GHRHR: variants seen among roughly 807,000 people sequenced by gnomAD.
The protein encoded by GHRHR is growth hormone releasing hormone receptor.
A neutral mutation model predicts 58.3 loss-of-function variants in GHRHR; 40 were observed. The observed-to-expected ratio is 0.69, with a 90% CI of 0.53 to 0.89. GHRHR has a LOEUF of 0.89. Ranked by LOEUF, GHRHR falls within the 40% of genes least tolerant of loss-of-function variation. The probability of loss-of-function intolerance (pLI) is 0.00; values close to 1 mark genes in which losing one functional copy is unlikely to be tolerated. For synonymous variants in GHRHR, 249 were observed against 216.6 expected, an observed-to-expected ratio of 1.15 and a Z score of -1.31; for missense variants, 551 against 541.3, an observed-to-expected ratio of 1.02 and a Z score of -0.18.
Position 30,972,100 on chromosome 7 carries a change from T to C in GHRHR, c.597+5T>C, listed in dbSNP as rs1234846344. ...GACCACTGCAGCTTCTCCACTGTAA[T>C]GGCCATGGGTGAAGGGGCTGGGCAG... On this transcript the variant is annotated splice_donor_5th_base_variant and intron_variant, in intron 6 of 12. Transcript: ENST00000326139. The C allele has an allele frequency of 6.2e-7, 1 of 1,613,774 alleles. No individual in the cohort carries two copies. Among genetic ancestry groups the C allele is most frequent in the East Asian group, 2.2e-5 (1 of 44,880 alleles).
rs757034595 is a variant in GHRHR, at chr7:30,974,134, C to G, written c.747C>G (p.Gly249=). Residue 249 remains glycine (G), a synonymous_variant, in exon 7 of 13, where the codon GGC becomes GGG. Transcript: ENST00000326139. The part of the protein sequence containing the change: ...RRAFWWLVLA[G]WGLPVLFTGT... ...CCTTCTGGTGGCTGGTTCTCGCTGG[C>G]TGGGGTGAGCACTGAGGGCGGGTTG... The G allele has an allele frequency of 1.2e-6, 2 of 1,613,788 alleles. No homozygotes were observed. The highest frequency in any genetic ancestry group is 2.7e-5 in the African/African-American group (2 of 74,890).
chr7:30,979,184 C>A lies in GHRHR; in HGVS notation c.1212C>A (p.Thr404=), dbSNP rs2128599205. ...CTGAGCTTCTGCCAGCCTGGAGGAC[C>A]CGTGCTAAGTGGACCACGCCTTCCC... ...HDPELLPAWR[T]RAKWTTPSRS... The change falls in exon 13 of 13, where the codon ACC becomes ACA. Residue 404 remains threonine (T), a synonymous_variant. Coordinates refer to ENST00000326139, the MANE Select transcript of GHRHR (RefSeq NM_000823.4). 1 of 1,613,906 alleles carries A rather than the reference C, an allele frequency of 6.2e-7. No individual in the cohort carries two copies. Among genetic ancestry groups the A allele is most frequent in the Non-Finnish European group, 8.5e-7 (1 of 1,179,760 alleles).
intron 6 of GHRHR, 21 bp downstream of exon 6, chr7:30,972,116 G>T: frequency 1.2e-6 from 2 of 1,613,314 alleles, no homozygotes; most frequent in Non-Finnish European, 1.7e-6. Context: ...TGGGTGAAGG[G>T]GCTGGGCAGG....
At chr7:30,968,745 G>T in intron 1 of GHRHR, 89 bp from the exon 2 acceptor site, 1 of 830,424 alleles carries the variant, frequency 1.2e-6, no homozygotes, top group Non-Finnish European at 2.1e-6. Context: ...TATGAATCAG[G>T]CCTTGTCCCT....
chr7:30,976,254 A>G (rs1792582285), intron 10 of GHRHR, among the ~76,000 whole-genome samples, 175 bp from the exon 11 acceptor site: 1 of 152,194 alleles, frequency 6.6e-6, no homozygotes, highest in Admixed American at 6.5e-5. Flanking sequence ...GGGAATCAGC[A>G]GGATCCAGCG....
chr7:30,968,236 G>A (rs1361352194), intron 1 of GHRHR, among the ~76,000 whole-genome samples: 2 of 152,178 alleles, frequency 1.3e-5, no homozygotes, highest in Non-Finnish European at 2.9e-5. Context: ...AGATTAGGAT[G>A]TGGACATCTT....
chr7:30,964,774 G>A (rs982127474), intron 1 of GHRHR, among the ~76,000 whole-genome samples: 2 of 152,184 alleles, frequency 1.3e-5, no homozygotes, highest in Admixed American at 1.3e-4. Flanking sequence ...GGGCTAGAGC[G>A]CTGGAGCACG....
chr7:30,967,393 C>G (rs980869616), intron 1 of GHRHR, among the ~76,000 whole-genome samples: 6 of 152,210 alleles, frequency 3.9e-5, no homozygotes, highest in African/African-American at 1.4e-4. Flanking sequence ...CAAAAAAACC[C>G]CAACTTGTTT....
In GHRHR at chr7:30,977,403, C is replaced by A. The variant is rs1584417218; in HGVS notation, c.1146+81C>A. ...CCCCTCCTCCTCTCTCCCACTCAGG[C>A]CCTGTAAACCCCAGCTCAGGCCACA... On this transcript the variant is annotated intron_variant, in intron 12 of 12. Transcript: ENST00000326139. 5 of 1,140,242 alleles carry A rather than the reference C, an allele frequency of 4.4e-6. No individual in the cohort carries two copies. The South Asian group carries it at 6.1e-5, about 14-fold the overall frequency. The allele number at this position is 1,140,242 out of a possible 1,614,324, so 70.6% of individuals were successfully genotyped here. A position where few individuals can be genotyped will look rare whatever the true frequency, so the allele number is the denominator to read the frequency against.
In GHRHR at chr7:30,968,831, C is replaced by T. The variant is rs1411783933; in HGVS notation, c.58-3C>T. Reference sequence around the variant, plus strand: ...GGCTCATCCTGTTCACTGTTTCCAGCAGGTATTGGGCCACATGCACCCAGA... The same window carrying T: ...GGCTCATCCTGTTCACTGTTTCCAGTAGGTATTGGGCCACATGCACCCAGA... On this transcript the variant is annotated splice_region_variant and splice_polypyrimidine_tract_variant and intron_variant, in intron 1 of 12. Coordinates refer to ENST00000326139, the MANE Select transcript of GHRHR (RefSeq NM_000823.4). The T allele has an allele frequency of 6.2e-7, 1 of 1,606,720 alleles. No individual in the cohort carries two copies. Among genetic ancestry groups the T allele is most frequent in the Non-Finnish European group, 8.5e-7 (1 of 1,173,380 alleles).
In GHRHR at chr7:30,964,139, T is replaced by G; in HGVS notation, c.57+14T>G. The G allele has an allele frequency of 6.5e-7, 1 of 1,545,122 alleles. No individual in the cohort carries two copies. The highest frequency in any genetic ancestry group is 1.4e-5 in the African/African-American group (1 of 73,148). ...CCGTTACCGACCGTGAGTAGCCAGC[T>G]GAGACCCTCTGGCCTCTGCCACTGG... On this transcript the variant is annotated intron_variant, in intron 1 of 12. Coordinates refer to ENST00000326139, the MANE Select transcript of GHRHR (RefSeq NM_000823.4).
intron 12 of GHRHR, 51 bp from the exon 13 acceptor site, chr7:30,979,068 T>G (rs763858063): frequency 6.9e-6 from 11 of 1,589,996 alleles, no homozygotes; most frequent in Non-Finnish European, 1.7e-6. Flanking sequence ...TGGGGTTGAG[T>G]AGCAAAGCCA....
chr7:30,973,918 T>G, intron 6 of GHRHR, 67 bp from the exon 7 acceptor site: 2 of 1,493,152 alleles, frequency 1.3e-6, no homozygotes, highest in Non-Finnish European at 1.9e-6. Flanking sequence ...CTGAGTAGGG[T>G]AGAGGAGACT....
At position 30,974,286 on chromosome 7, in the gene GHRHR, G is replaced by C. The variant is rs985577304; in HGVS notation, c.752-143G>C. 3.8e-5 allele frequency: 43 copies of C among 1,133,246 alleles called. No individual in the cohort carries two copies. In the African/African-American group the frequency reaches 5.3e-4, roughly 14 times the overall value. 70.2% of individuals were successfully genotyped at this position (1,133,246 alleles called of 1,614,324 possible). A position where few individuals can be genotyped will look rare whatever the true frequency, so the allele number is the denominator to read the frequency against. ...TCCGGCAGCAAGTGTTGGAGGGTGG[G>C]ACCAGGGCCCTGGCTCTGGGGTCCT... is the stretch of plus-strand genomic sequence containing the variant. On this transcript the variant is annotated intron_variant, in intron 7 of 12. Transcript: ENST00000326139.
intron 6 of GHRHR, among the ~76,000 whole-genome samples, chr7:30,972,442 G>A (rs1015329755): frequency 2.6e-5 from 4 of 152,190 alleles, no homozygotes; most frequent in African/African-American, 9.7e-5. Flanking sequence ...AAGGGGCTGG[G>A]AGGAGCTGGG....
intron 1 of GHRHR, among the ~76,000 whole-genome samples, chr7:30,965,300 G>T (rs1227490535): frequency 2.0e-5 from 3 of 152,190 alleles, no homozygotes; most frequent in African/African-American, 7.2e-5. Flanking sequence ...CTCAATCACT[G>T]TTTGCCAGTG....
At position 30,964,130 on chromosome 7, in the gene GHRHR, G is replaced by C. The variant is rs1278964791; in HGVS notation, c.57+5G>C. 6.5e-7 allele frequency: 1 copy of C among 1,547,600 alleles called. No individual in the cohort carries two copies. Among genetic ancestry groups the C allele is most frequent in the East Asian group, 2.4e-5 (1 of 40,910 alleles). ...GTGTTGAGCCCGTTACCGACCGTGA[G>C]TAGCCAGCTGAGACCCTCTGGCCTC... On this transcript the variant is annotated splice_donor_5th_base_variant and intron_variant, in intron 1 of 12. Coordinates refer to ENST00000326139, the MANE Select transcript of GHRHR (RefSeq NM_000823.4).
chr7:30,975,105 G>A, intron 9 of GHRHR, 65 bp downstream of exon 9: 2 of 1,096,950 alleles, frequency 1.8e-6, no homozygotes, highest in Non-Finnish European at 2.8e-6. Flanking sequence ...CTGACGGGCT[G>A]TGCACAGCAG....
chr7:30,974,694 G>A (rs990062642), intron 8 of GHRHR, among the ~76,000 whole-genome samples: 1 of 152,122 alleles, frequency 6.6e-6, no homozygotes, highest in African/African-American at 2.4e-5. Context: ...CCAGGGCTGT[G>A]GGGCTGGGGG....
Sources: allele counts gnomAD v4.1 joint callset (sites outside exome capture counted in the v4.1 genomes callset), GRCh38; gene constraint gnomAD v4.1.1; transcripts MANE v1.5; gene names NCBI Gene and HGNC (gene_info 2026-07-23, HGNC 2026-07-21).